The following ZNF385B variants were observed in gnomAD, a reference collection of about 807,000 sequenced individuals.
ZNF385B encodes the protein zinc finger protein 533.
Under a neutral mutation model 39.2 loss-of-function variants are expected in ZNF385B, and 23 were observed. The ratio of observed to expected loss-of-function variants is 0.59; its 90% CI spans 0.42 to 0.83. The LOEUF (loss-of-function observed/expected upper bound fraction) is 0.83, where lower values mean the gene tolerates loss of function less well. ZNF385B is among the 40% of genes least tolerant of loss of function. The pLI, the probability that ZNF385B is intolerant of heterozygous loss-of-function variation, is 0.00. For missense variants in ZNF385B, 552 were observed against 598.9 expected, an observed-to-expected ratio of 0.92 and a Z score of 0.82; for synonymous variants, 205 against 222.6, an observed-to-expected ratio of 0.92 and a Z score of 0.70.
At chr2:179,725,298 A>C (rs1048475306) in intron 3 of ZNF385B, among the ~76,000 whole-genome samples, 18 of 152,008 alleles carry the variant, frequency 1.2e-4, no homozygotes, top group Non-Finnish European at 2.2e-4. Flanking sequence ...GTAGATTTTC[A>C]ATTAATAGGT....
intron 1 of ZNF385B, among the ~76,000 whole-genome samples, chr2:179,844,529 G>A (rs1708701450): frequency 6.6e-6 from 1 of 152,078 alleles, no homozygotes; most frequent in Non-Finnish European, 1.5e-5. Flanking sequence ...CATAGTCTCT[G>A]GTTGCTACCA....
intron 5 of ZNF385B, among the ~76,000 whole-genome samples, chr2:179,503,322 G>C (rs942936225): frequency 2.0e-5 from 3 of 152,126 alleles, no homozygotes; most frequent in Non-Finnish European, 4.4e-5. Flanking sequence ...TTTGAAGAAA[G>C]AATTTGGACC....
chr2:179,594,587 T>C (rs1687839975), intron 3 of ZNF385B, among the ~76,000 whole-genome samples: 1 of 152,126 alleles, frequency 6.6e-6, no homozygotes, highest in African/African-American at 2.4e-5. Context: ...TGGCCTAAGG[T>C]TGACTCAGTT....
chr2:179,699,873 G>A (rs572939780), intron 3 of ZNF385B, among the ~76,000 whole-genome samples: 1 of 152,250 alleles, frequency 6.6e-6, no homozygotes, highest in Admixed American at 6.5e-5. Flanking sequence ...AGAAATAAAC[G>A]AGGAAGAAAG....
intron 3 of ZNF385B, among the ~76,000 whole-genome samples, chr2:179,695,564 A>T (rs1698675690): frequency 6.6e-6 from 1 of 152,210 alleles, no homozygotes; most frequent in Non-Finnish European, 1.5e-5. Flanking sequence ...TCCCCAAGGA[A>T]GATATATAAA....
intron 8 of ZNF385B, 132 bp from the exon 9 acceptor site, chr2:179,445,109 A>C (rs568969068): frequency 2.7e-6 from 2 of 754,334 alleles, no homozygotes; most frequent in East Asian, 5.2e-5. Flanking sequence ...TAAAATCATT[A>C]TGATTTCTAA....
chr2:179,827,289 GT>G (rs1377815859), intron 1 of ZNF385B, among the ~76,000 whole-genome samples: 1 of 152,118 alleles, frequency 6.6e-6, no homozygotes, highest in Non-Finnish European at 1.5e-5. Flanking sequence ...GGAAGAAGGG[GT>G]AAATAGACTT....
chr2:179,455,955 T>G (rs2050660770), intron 6 of ZNF385B, among the ~76,000 whole-genome samples: 1 of 151,990 alleles, frequency 6.6e-6, no homozygotes, highest in Non-Finnish European at 1.5e-5. Context: ...ACTAAAACTA[T>G]TTAGCTTAGG....
intron 1 of ZNF385B, among the ~76,000 whole-genome samples, chr2:179,857,555 G>A (rs1041209097): frequency 2.0e-5 from 3 of 152,140 alleles, no homozygotes; most frequent in Non-Finnish European, 4.4e-5. Context: ...ACGACACAGA[G>A]CTCAGAGACC....
Position 179,851,253 on chromosome 2 carries a change from C to A in ZNF385B, c.-155+9848G>T, listed in dbSNP as rs75499834. Among the ~76,000 whole-genome samples, 538 of 152,280 alleles carry A rather than the reference C, an allele frequency of 3.5e-3. 1 individual carries two copies. The highest frequency in any genetic ancestry group is 0.012 in the Admixed American group (181 of 15,296). On this transcript the variant is annotated intron_variant, in intron 1 of 9. Coordinates refer to ENST00000410066, the MANE Select transcript of ZNF385B (RefSeq NM_152520.6). The stretch of plus-strand genomic sequence containing the variant: ...ACTGCTTGAGGCCAGGAGTTCAAGA[C>A]CAGCCCGTGCAACGCGGCAAGACAT...
intron 3 of ZNF385B, among the ~76,000 whole-genome samples, chr2:179,643,768 T>C (rs986671167): frequency 2.0e-5 from 3 of 152,110 alleles, no homozygotes; most frequent in Non-Finnish European, 2.9e-5. Context: ...TTTAGAGTGA[T>C]GGAACTGTTT....
Position 179,781,277 on chromosome 2 carries a change from T to C in ZNF385B, c.-154-10605A>G, listed in dbSNP as rs990163216. Among the ~76,000 whole-genome samples, 6 of 152,280 alleles carry C rather than the reference T, an allele frequency of 3.9e-5. No individual in the cohort carries two copies. In the East Asian group the frequency reaches 1.2e-3, roughly 29 times the overall value. On this transcript the variant is annotated intron_variant, in intron 1 of 9. Coordinates refer to ENST00000410066, the MANE Select transcript of ZNF385B (RefSeq NM_152520.6). ...GGCTCTATTAATTAAGACAGTCTGGTTTTGGCCCAAGGAAAAGTAACCTGA... is the reference window on the plus strand; with the variant it reads ...GGCTCTATTAATTAAGACAGTCTGGCTTTGGCCCAAGGAAAAGTAACCTGA...
chr2:179,766,855 G>A (rs935595454), intron 3 of ZNF385B, among the ~76,000 whole-genome samples: 4 of 152,098 alleles, frequency 2.6e-5, no homozygotes, highest in African/African-American at 9.7e-5. Context: ...AAGGAAGACT[G>A]GCATTTTGTT....
chr2:179,540,585 T>C (rs996899815), intron 4 of ZNF385B, among the ~76,000 whole-genome samples: 1 of 152,220 alleles, frequency 6.6e-6, no homozygotes, highest in African/African-American at 2.4e-5. Context: ...TAAATGTTAT[T>C]ATTCCCTTTA....
chr2:179,563,545 T>C (rs1684183728), intron 3 of ZNF385B, among the ~76,000 whole-genome samples: 1 of 152,144 alleles, frequency 6.6e-6, no homozygotes. Flanking sequence ...TTATGTCAGA[T>C]TTGCACAGTA....
At chr2:179,796,262 C>T (rs570708070) in intron 1 of ZNF385B, 7 of 152,274 alleles carry the variant, frequency 4.6e-5, no homozygotes, top group South Asian at 4.1e-4. Context: ...CTTGAATTTT[C>T]GCCTTTTAAA....
chr2:179,442,206 A>G lies in ZNF385B; in HGVS notation c.*1044T>C, dbSNP rs1157704455. On this transcript the variant is annotated 3_prime_UTR_variant, in exon 10 of 10. Coordinates refer to ENST00000410066, the MANE Select transcript of ZNF385B (RefSeq NM_152520.6). ...CAATATATTCAGCGAACAGAAAGACAAATTGTTCAATTATAAATTTTTTTA... is the reference window on the plus strand; with the variant it reads ...CAATATATTCAGCGAACAGAAAGACGAATTGTTCAATTATAAATTTTTTTA... 1 of 152,650 alleles carries G rather than the reference A, an allele frequency of 6.6e-6. No homozygotes were observed. Among genetic ancestry groups the G allele is most frequent in the African/African-American group, 2.4e-5 (1 of 41,470 alleles). The allele number at this position is 152,650 out of a possible 1,614,324, so 9.5% of individuals were successfully genotyped here. A position where few individuals can be genotyped will look rare whatever the true frequency, so the allele number is the denominator to read the frequency against.
At chr2:179,728,042 G>A (rs1701132560) in intron 3 of ZNF385B, among the ~76,000 whole-genome samples, 1 of 152,090 alleles carries the variant, frequency 6.6e-6, no homozygotes, top group Non-Finnish European at 1.5e-5. Context: ...TGAAACAAAT[G>A]TAGCTCATTC....
intron 3 of ZNF385B, among the ~76,000 whole-genome samples, chr2:179,586,865 T>C (rs997823312): frequency 2.2e-4 from 34 of 151,990 alleles, no homozygotes; most frequent in African/African-American, 8.2e-4. Flanking sequence ...GGTGAAACCC[T>C]GTCTCTACTA....
Sources: gnomAD v4.1 joint callset for allele counts (sites outside exome capture counted in the v4.1 genomes callset) on GRCh38, gnomAD v4.1.1 for gene constraint, MANE v1.5 for transcripts, NCBI Gene and HGNC (gene_info 2026-07-23, HGNC 2026-07-21) for gene names.